TENM4: variants seen among roughly 807,000 people sequenced by gnomAD.
TENM4 encodes teneurin transmembrane protein 4.
Under a neutral mutation model 243.3 loss-of-function variants are expected in TENM4, and 82 were observed. The observed-to-expected ratio is 0.34, with a 90% CI of 0.28 to 0.40. The LOEUF (loss-of-function observed/expected upper bound fraction) is 0.40, where lower values mean the gene tolerates loss of function less well. Ranked by LOEUF, TENM4 falls within the 10% of genes least tolerant of loss-of-function variation. The pLI, the probability that TENM4 is intolerant of heterozygous loss-of-function variation, is 1.00. For missense variants in TENM4, 3,138 were observed against 3,673.3 expected, an observed-to-expected ratio of 0.85 and a Z score of 3.77; for synonymous variants, 1,412 against 1,456.3, an observed-to-expected ratio of 0.97 and a Z score of 0.69.
In TENM4 at chr11:79,355,747, A is replaced by G. The variant is rs577959511; in HGVS notation, c.-320-58204T>C. Among the ~76,000 whole-genome samples, 6 of 152,346 alleles carry G rather than the reference A, an allele frequency of 3.9e-5. No individual in the cohort carries two copies. In the East Asian group the frequency reaches 1.2e-3, roughly 29 times the overall value. Reference sequence around the variant, plus strand: ...CACATGTCACAGCCTCCCATTTTACAGAAGAGGAAAACTGAGACTAGAAAA... The same window carrying G: ...CACATGTCACAGCCTCCCATTTTACGGAAGAGGAAAACTGAGACTAGAAAA... On this transcript the variant is annotated intron_variant, in intron 1 of 33. Transcript: ENST00000278550.
intron 31 of TENM4, 77 bp from the exon 32 acceptor site, chr11:78,670,628 A>AG: frequency 7.2e-7 from 1 of 1,389,370 alleles, no homozygotes; most frequent in Non-Finnish European, 9.8e-7. Context: ...CGAGACTTAA[A>AG]GGGACGGAAT....
At chr11:79,010,868 C>T (rs1427130604) in intron 6 of TENM4, among the ~76,000 whole-genome samples, 2 of 152,180 alleles carry the variant, frequency 1.3e-5, no homozygotes, top group Admixed American at 1.3e-4. Flanking sequence ...CCCTCTTTAG[C>T]ACCTGTCCAC....
chr11:79,082,363 C>T (rs775285094), intron 4 of TENM4, among the ~76,000 whole-genome samples: 1 of 152,144 alleles, frequency 6.6e-6, no homozygotes, highest in Non-Finnish European at 1.5e-5. Context: ...CCTGATGCTG[C>T]TTGAAATTTT....
At chr11:79,021,987 G>C (rs35579752) in intron 6 of TENM4, among the ~76,000 whole-genome samples, 23,589 of 152,132 alleles carry the variant, frequency 0.16, 2,460 homozygotes, top group Non-Finnish European at 0.22. Flanking sequence ...AGGATACGCA[G>C]ACAATTTGGC....
chr11:79,386,045 A>T (rs1020945920), intron 1 of TENM4, among the ~76,000 whole-genome samples: 7 of 152,270 alleles, frequency 4.6e-5, no homozygotes, highest in African/African-American at 1.7e-4. Context: ...AATGAAAAGA[A>T]GATACACTTT....
intron 6 of TENM4, among the ~76,000 whole-genome samples, chr11:78,951,565 G>T (rs1857109131): frequency 6.6e-6 from 1 of 152,216 alleles, no homozygotes; most frequent in South Asian, 2.1e-4. Flanking sequence ...AGGCTGGGAA[G>T]TCCAAGATCA....
chr11:79,289,696 G>T (rs1021648203), intron 2 of TENM4, among the ~76,000 whole-genome samples: 12 of 152,196 alleles, frequency 7.9e-5, no homozygotes, highest in Admixed American at 4.6e-4. Context: ...CTAGAGTCTG[G>T]TTCTGGCGAA....
chr11:78,942,867 C>T (rs1028078901), intron 6 of TENM4, among the ~76,000 whole-genome samples: 11 of 150,976 alleles, frequency 7.3e-5, no homozygotes, highest in Admixed American at 1.3e-4. Flanking sequence ...AAATGCTCTG[C>T]GGTCACAAAT....
At chr11:78,814,198 G>C in intron 13 of TENM4, 96 bp downstream of exon 13, 1 of 1,193,464 alleles carries the variant, frequency 8.4e-7, no homozygotes, top group Non-Finnish European at 1.2e-6. Flanking sequence ...GGCATCAGAA[G>C]GTGGGCTGGA....
At chr11:78,748,162 G>C (rs1856094529) in intron 19 of TENM4, among the ~76,000 whole-genome samples, 1 of 152,154 alleles carries the variant, frequency 6.6e-6, no homozygotes, top group African/African-American at 2.4e-5. Flanking sequence ...TAATGCTATA[G>C]CTAATGCTAA....
chr11:79,124,893 ATGTG>A lies in TENM4; in HGVS notation c.-66+23813_-66+23816del, dbSNP rs71050209. Among the ~76,000 whole-genome samples, 153 of 111,766 alleles carry A rather than the reference ATGTG, an allele frequency of 1.4e-3. 1 individual carries two copies. The highest frequency in any genetic ancestry group is 3.6e-3 in the African/African-American group (124 of 34,088). 73.3% of individuals were successfully genotyped at this position (111,766 alleles called of 152,430 possible). ...TGTATGTGTATATATGTATATGTAT[ATGTG>A]TGTGTGTGTGTGTGTGTGTGTGTGT... On this transcript the variant is annotated intron_variant, in intron 4 of 33. Coordinates refer to ENST00000278550, the MANE Select transcript of TENM4 (RefSeq NM_001098816.3).
At chr11:79,195,092 C>T (rs2135175793) in intron 3 of TENM4, among the ~76,000 whole-genome samples, 1 of 152,362 alleles carries the variant, frequency 6.6e-6, no homozygotes, top group East Asian at 1.9e-4. Context: ...CCTTGGCAGC[C>T]TCCACATGGT....
intron 3 of TENM4, among the ~76,000 whole-genome samples, chr11:79,192,773 AT>A (rs1430500546): frequency 6.6e-6 from 1 of 151,062 alleles, no homozygotes. Context: ...AAAAAAAAAA[AT>A]ATTTTCAGCA....
intron 2 of TENM4, among the ~76,000 whole-genome samples, chr11:79,230,254 C>T (rs1864350002): frequency 6.6e-6 from 1 of 152,196 alleles, no homozygotes; most frequent in Non-Finnish European, 1.5e-5. Context: ...CATCACCCCA[C>T]ACTCTCTGGA....
chr11:79,003,019 G>A (rs1012432200), intron 6 of TENM4, among the ~76,000 whole-genome samples: 1 of 152,116 alleles, frequency 6.6e-6, no homozygotes, highest in Non-Finnish European at 1.5e-5. Flanking sequence ...TAATACAATT[G>A]TAAGTATTAA....
intron 1 of TENM4, among the ~76,000 whole-genome samples, chr11:79,404,994 G>A (rs560354014): frequency 6.6e-6 from 1 of 152,266 alleles, no homozygotes; most frequent in Admixed American, 6.5e-5. Flanking sequence ...AGAGAAGACT[G>A]TGTGCACATG....
chr11:79,151,280 G>T (rs1259764876), intron 3 of TENM4, among the ~76,000 whole-genome samples: 1 of 152,154 alleles, frequency 6.6e-6, no homozygotes, highest in Non-Finnish European at 1.5e-5. Context: ...CCATCTCTTT[G>T]CTGTGGCAGC....
intron 1 of TENM4, among the ~76,000 whole-genome samples, chr11:79,437,851 G>A (rs1859310428): frequency 1.3e-5 from 2 of 152,128 alleles, no homozygotes; most frequent in Non-Finnish European, 1.5e-5. Flanking sequence ...CCCACGGCTG[G>A]ACCAGAGCCC....
At chr11:78,779,432 G>A (rs1856800201) in intron 16 of TENM4, among the ~76,000 whole-genome samples, 1 of 152,190 alleles carries the variant, frequency 6.6e-6, no homozygotes, top group Non-Finnish European at 1.5e-5. Flanking sequence ...TTGTATCCAA[G>A]CCTTGAGTTA....
Sources: allele counts gnomAD v4.1 joint callset (sites outside exome capture counted in the v4.1 genomes callset), GRCh38; gene constraint gnomAD v4.1.1; transcripts MANE v1.5; gene names NCBI Gene and HGNC (gene_info 2026-07-23, HGNC 2026-07-21).